The following EIF2AK1 variants were observed in gnomAD, a reference collection of about 807,000 sequenced individuals.
The protein encoded by EIF2AK1 is eukaryotic translation initiation factor 2-alpha kinase 1.
EIF2AK1 carries 54 observed loss-of-function variants against 77.9 expected under a neutral mutation model. That is an observed-to-expected ratio of 0.69 (90% confidence interval 0.56 to 0.87). The LOEUF (loss-of-function observed/expected upper bound fraction) is 0.87, where lower values mean the gene tolerates loss of function less well. EIF2AK1 is among the 40% of genes least tolerant of loss of function. EIF2AK1 has a pLI of 0.00. For missense variants in EIF2AK1, 810 were observed against 768.6 expected, an observed-to-expected ratio of 1.05 and a Z score of -0.64; for synonymous variants, 314 against 290.5, an observed-to-expected ratio of 1.08 and a Z score of -0.82.
At chr7:6,040,677 G>C (rs1476249486) in intron 9 of EIF2AK1, among the ~76,000 whole-genome samples, 3 of 152,100 alleles carry the variant, frequency 2.0e-5, no homozygotes, top group Non-Finnish European at 4.4e-5. Flanking sequence ...GCTGTAAATG[G>C]CCAGGTCGGG....
intron 6 of EIF2AK1, 38 bp from the exon 7 acceptor site, chr7:6,044,699 T>A (rs771366766): frequency 1.3e-6 from 2 of 1,569,602 alleles, no homozygotes; most frequent in East Asian, 4.5e-5. Context: ...CTTTTGCTGA[T>A]AACTTGTTAA....
At chr7:6,049,784 G>T in intron 3 of EIF2AK1, 128 bp downstream of exon 3, 2 of 898,426 alleles carry the variant, frequency 2.2e-6, no homozygotes, top group East Asian at 2.8e-5. Flanking sequence ...ACACCACCAT[G>T]CCTGGCCTAG....
intron 2 of EIF2AK1, 66 bp from the exon 3 acceptor site, chr7:6,050,111 A>T: frequency 1.5e-6 from 2 of 1,350,564 alleles, no homozygotes; most frequent in South Asian, 2.6e-5. Flanking sequence ...TTTAAAGTGT[A>T]CACAGAGAAT....
chr7:6,037,333 A>C, intron 11 of EIF2AK1, 91 bp downstream of exon 11: 3 of 799,366 alleles, frequency 3.8e-6, no homozygotes, highest in Non-Finnish European at 6.4e-6. Context: ...GAACTAGGAC[A>C]TGTAATCTTA....
At chr7:6,049,624 TCTC>T (rs1204890948) in intron 3 of EIF2AK1, among the ~76,000 whole-genome samples, 2 of 137,760 alleles carry the variant, frequency 1.5e-5, no homozygotes, top group Non-Finnish European at 3.1e-5. Context: ...TTGCCTCTCC[TCTC>T]TTTTTTTTTT....
At position 6,023,688 on chromosome 7, in the gene EIF2AK1, GTGAATTGCCGTAAC is replaced by G; in HGVS notation, c.*971_*984del. On this transcript the variant is annotated 3_prime_UTR_variant, in exon 15 of 15. Transcript: ENST00000199389. ...TTAACACGGCCCTCAAGCTCCTTAA[GTGAATTGCCGTAAC>G]TGATTTTAAAGGGTTTAGATTTTAA... is the stretch of plus-strand genomic sequence containing the variant. 2 of 1,613,962 alleles carry G rather than the reference GTGAATTGCCGTAAC, an allele frequency of 1.2e-6. No homozygotes were observed. Among genetic ancestry groups the G allele is most frequent in the Non-Finnish European group, 1.7e-6 (2 of 1,179,984 alleles).
In EIF2AK1 at chr7:6,023,868, A is replaced by G. The variant is rs1787656066; in HGVS notation, c.*805T>C. ...ATTTTATTTAAAATTCAGCAAAATC[A>G]TACGCCATCTACCGTGATGACTGCC... On this transcript the variant is annotated 3_prime_UTR_variant, in exon 15 of 15. Transcript: ENST00000199389. 2.6e-6 allele frequency: 4 copies of G among 1,538,690 alleles called. No homozygotes were observed. The highest frequency in any genetic ancestry group is 3.5e-6 in the Non-Finnish European group (4 of 1,141,956).
At chr7:6,048,881 A>C in intron 3 of EIF2AK1, 37 bp from the exon 4 acceptor site, 1 of 1,447,548 alleles carries the variant, frequency 6.9e-7, no homozygotes, top group Non-Finnish European at 9.5e-7. Flanking sequence ...AGCATTTTGA[A>C]AACTTGCATG....
At position 6,035,530 on chromosome 7, in the gene EIF2AK1, C is replaced by A; in HGVS notation, c.1332+1894G>T. The stretch of plus-strand genomic sequence containing the variant: ...ACGTGGGCAAAACCAGGCAACAGAA[C>A]GCACAGGATCCTGACAGACATTCAG... On this transcript the variant is annotated intron_variant, in intron 11 of 14. Coordinates refer to ENST00000199389, the MANE Select transcript of EIF2AK1 (RefSeq NM_014413.4). This position sits in a 1 kb window ranked among gnomAD's most constrained non-coding sequence, Gnocchi z 5.5. The A allele has an allele frequency of 6.4e-7, 1 of 1,551,202 alleles. No homozygotes were observed. The highest frequency in any genetic ancestry group is 1.2e-5 in the South Asian group (1 of 84,058).
intron 11 of EIF2AK1, 115 bp downstream of exon 11, chr7:6,037,309 C>A (rs1788136399): frequency 1.5e-6 from 1 of 681,746 alleles, no homozygotes; most frequent in Middle Eastern, 2.5e-4. Flanking sequence ...GTAATTATAA[C>A]CTCCTAAGCA....
rs150312555 is a variant in EIF2AK1 at position 6,044,577 on chromosome 7, C to T, written c.715G>A (p.Val239Met). 57 of 1,613,540 alleles carry T rather than the reference C, an allele frequency of 3.5e-5. No individual in the cohort carries two copies. The African/African-American group carries it at 7.1e-4, about 20-fold the overall frequency. ...YHTAWIEHVH[V>M]IQPRADRAAI... ...AACGGCTTACCTCGTGGCTGAATCA[C>T]ATGAACATGTTCTATCCACGCGGTG... The change falls in exon 7 of 15, where the codon GTG becomes ATG. Residue 239 changes from valine to methionine, a missense_variant. By Grantham distance (21) the Val-to-Met change is conservative (BLOSUM62 1). Transcript: ENST00000199389.
In EIF2AK1 at chr7:6,048,329, C is replaced by T. The variant is rs543793381; in HGVS notation, c.449+478G>A. Among the ~76,000 whole-genome samples, 6 of 152,308 alleles carry T rather than the reference C, an allele frequency of 3.9e-5. No individual in the cohort carries two copies. The South Asian group carries it at 1.0e-3, about 26-fold the overall frequency. ...GATATTTCATAGAAATGAAATCACA[C>T]AATATGTGGCCTTTTATGACTGGCT... is the stretch of plus-strand genomic sequence containing the variant. On this transcript the variant is annotated intron_variant, in intron 4 of 14. Coordinates refer to ENST00000199389, the MANE Select transcript of EIF2AK1 (RefSeq NM_014413.4).
chr7:6,023,240 C>G lies in EIF2AK1; in HGVS notation c.*1433G>C, dbSNP rs756347967. ...TGTTTGGTGACTGTCCCCTTCCCCA[C>G]TGTGCGAGTACTTCCCTCAGGGCTG... On this transcript the variant is annotated 3_prime_UTR_variant, in exon 15 of 15. Transcript: ENST00000199389. 4.9e-5 allele frequency: 74 copies of G among 1,509,790 alleles called. No homozygotes were observed. The highest frequency in any genetic ancestry group is 6.2e-5 in the Non-Finnish European group (71 of 1,137,556). The allele number at this position is 1,509,790 out of a possible 1,614,324, so 93.5% of individuals were successfully genotyped here. A position where few individuals can be genotyped will look rare whatever the true frequency, so the allele number is the denominator to read the frequency against.
chr7:6,056,956 G>A (rs985913708), intron 1 of EIF2AK1, among the ~76,000 whole-genome samples: 4 of 151,810 alleles, frequency 2.6e-5, no homozygotes, highest in Admixed American at 1.3e-4. Context: ...TAGCCTACTG[G>A]AATTACTACC....
rs781517752 is a variant in EIF2AK1 at position 6,038,638 on chromosome 7, G to C, written c.1153C>G (p.Gln385Glu). ...TCCCACAGCGAGAGCTCACACAGCT[G>C]CATCTGGATGTGCAGCATCAGGTGG... is the stretch of plus-strand genomic sequence containing the variant. ...QYHLMLHIQM[Q>E]LCELSLWDWI... The change falls in exon 10 of 15, where the codon CAG (glutamine) becomes GAG (glutamate). Residue 385 changes from glutamine (Q) to glutamate (E), a missense_variant. Physicochemically the swap from Gln to Glu is conservative, Grantham distance 29. Around this residue, in one of 3 missense-constraint regions of EIF2AK1, gnomAD observed 549 missense variants for 533.7 expected, o/e 1.03. Transcript: ENST00000199389. 1 of 1,613,174 alleles carries C rather than the reference G, an allele frequency of 6.2e-7. No homozygotes were observed. Among genetic ancestry groups the C allele is most frequent in the Non-Finnish European group, 8.5e-7 (1 of 1,179,530 alleles).
intron 14 of EIF2AK1, among the ~76,000 whole-genome samples, chr7:6,025,786 C>T (rs1787728683): frequency 6.6e-6 from 1 of 151,934 alleles, no homozygotes; most frequent in South Asian, 2.1e-4. Context: ...AGGTGTGCAC[C>T]ACCACGCCCG....
At chr7:6,053,297 G>T (rs980134970) in intron 2 of EIF2AK1, among the ~76,000 whole-genome samples, 5 of 152,084 alleles carry the variant, frequency 3.3e-5, no homozygotes, top group African/African-American at 1.2e-4. Flanking sequence ...CAGGATAAAT[G>T]GGGTATCCAT....
chr7:6,053,998 C>T (rs1326815626), intron 2 of EIF2AK1, among the ~76,000 whole-genome samples: 2 of 151,362 alleles, frequency 1.3e-5, no homozygotes, highest in Non-Finnish European at 2.9e-5. Flanking sequence ...TTTAAATGTA[C>T]AATAAATTAT....
intron 3 of EIF2AK1, among the ~76,000 whole-genome samples, chr7:6,049,544 A>G (rs1279921184): frequency 1.3e-5 from 2 of 152,100 alleles, no homozygotes; most frequent in East Asian, 3.9e-4. Context: ...CTCTGTCTCA[A>G]AACGAAACAA....
Sources: gnomAD v4.1 joint callset for allele counts (sites outside exome capture counted in the v4.1 genomes callset) on GRCh38, gnomAD v4.1.1 for gene constraint, gnomAD v4.1.1 regional missense constraint, Gnocchi (gnomAD v3.1) non-coding constraint, MANE v1.5 for transcripts, NCBI Gene and HGNC (gene_info 2026-07-23, HGNC 2026-07-21) for gene names.